Variants in KAZN observed in about 807,000 individuals in gnomAD.
The protein encoded by KAZN is kazrin.
In KAZN, 40 loss-of-function variants were observed where a neutral mutation model predicts 87.4. The ratio of observed to expected loss-of-function variants is 0.46; its 90% confidence interval spans 0.36 to 0.60. The LOEUF (loss-of-function observed/expected upper bound fraction) is 0.60, where lower values mean the gene tolerates loss of function less well. KAZN is among the 20% of genes least tolerant of loss of function. KAZN has a pLI of 0.00. For synonymous variants in KAZN, 466 were observed against 458.3 expected (o/e 1.02, Z -0.22); for missense variants, 898 against 1,073.9 (o/e 0.84, Z 2.29).
rs888819270 is a variant in KAZN at position 14,715,092 on chromosome 1, G to A, written c.226+115869G>A. On this transcript the variant is annotated intron_variant, in intron 1 of 14. Transcript: ENST00000376030. ...ACCACAGGCACTTGCCACCATACCC[G>A]GCTAACTTGTTTATTTTTTGTAAGA... Among the ~76,000 whole-genome samples, 12 of 151,818 alleles carry A rather than the reference G, an allele frequency of 7.9e-5. No individual in the cohort carries two copies. In the East Asian group the frequency reaches 1.2e-3, roughly 15 times the overall value.
intron 8 of KAZN, among the ~76,000 whole-genome samples, chr1:15,079,876 A>G (rs1639916803): frequency 6.6e-6 from 1 of 152,266 alleles, no homozygotes; most frequent in Admixed American, 6.5e-5. Context: ...GTTAGCAAGG[A>G]AGAAAGAGGA....
chr1:14,183,813 G>C (rs764640713), intron 2 of KAZN, among the ~76,000 whole-genome samples: 1 of 152,148 alleles, frequency 6.6e-6, no homozygotes, highest in African/African-American at 2.4e-5. Context: ...AAGGCCGAGT[G>C]CTAAAGGGTA....
intron 2 of KAZN, among the ~76,000 whole-genome samples, chr1:14,402,934 T>C (rs1005753084): frequency 6.6e-6 from 1 of 152,118 alleles, no homozygotes; most frequent in African/African-American, 2.4e-5. Flanking sequence ...TTCAAGTGAT[T>C]CTCATGCCTC....
At chr1:15,104,460 A>G (rs1034848063) in intron 13 of KAZN, among the ~76,000 whole-genome samples, 18 of 152,234 alleles carry the variant, frequency 1.2e-4, no homozygotes, top group African/African-American at 4.1e-4. Context: ...CCAGGTGTTT[A>G]GAGAAGAGAT....
chr1:14,075,077 GA>G (rs2101570607), intron 1 of KAZN, among the ~76,000 whole-genome samples: 1 of 152,278 alleles, frequency 6.6e-6, no homozygotes, highest in South Asian at 2.1e-4. Flanking sequence ...AAGATGGGGT[GA>G]GGGGGCTGCC....
At chr1:14,650,134 A>G (rs1201809058) in intron 1 of KAZN, among the ~76,000 whole-genome samples, 1 of 149,888 alleles carries the variant, frequency 6.7e-6, no homozygotes, top group Non-Finnish European at 1.5e-5. Context: ...GACAGAAGTT[A>G]CTGTATTTAT....
intron 2 of KAZN, among the ~76,000 whole-genome samples, chr1:14,499,835 T>G (rs1461278288): frequency 6.6e-6 from 1 of 152,154 alleles, no homozygotes; most frequent in East Asian, 1.9e-4. Flanking sequence ...AAACCCTCAC[T>G]GAGCTTAGCG....
exon 2 of KAZN, chr1:14,180,449 C>T (rs769703758): frequency 6.5e-7 from 1 of 1,550,104 alleles, no homozygotes; most frequent in South Asian, 1.2e-5. Context: ...GCAATCATTG[C>T]ACACCCTCAA....
At chr1:14,204,126 G>T (rs1646693393) in intron 2 of KAZN, among the ~76,000 whole-genome samples, 1 of 152,246 alleles carries the variant, frequency 6.6e-6, no homozygotes, top group Admixed American at 6.5e-5. Flanking sequence ...GTGCAGTTAA[G>T]ACTGGTTGAC....
chr1:14,612,713 T>C (rs1572047437), intron 1 of KAZN, among the ~76,000 whole-genome samples: 1 of 152,218 alleles, frequency 6.6e-6, no homozygotes. Flanking sequence ...CTGTGCATTT[T>C]AGGACATTTA....
intron 1 of KAZN, among the ~76,000 whole-genome samples, chr1:14,625,076 C>T (rs900562769): frequency 2.0e-5 from 3 of 152,134 alleles, no homozygotes; most frequent in African/African-American, 4.8e-5. Flanking sequence ...ACTATGTGAG[C>T]TCATCCTGTG....
At chr1:14,127,326 A>G (rs1008652826) in intron 1 of KAZN, among the ~76,000 whole-genome samples, 2 of 152,128 alleles carry the variant, frequency 1.3e-5, no homozygotes, top group Non-Finnish European at 2.9e-5. Flanking sequence ...AAACAATTTT[A>G]GAGGTAATGT....
chr1:14,984,503 G>A (rs940505973), intron 2 of KAZN, among the ~76,000 whole-genome samples: 5 of 152,190 alleles, frequency 3.3e-5, no homozygotes, highest in African/African-American at 1.2e-4. Context: ...TTGGAGTTGG[G>A]GCCATCATTA....
At chr1:14,474,644 A>C (rs1668623080) in intron 2 of KAZN, among the ~76,000 whole-genome samples, 1 of 152,212 alleles carries the variant, frequency 6.6e-6, no homozygotes, top group Non-Finnish European at 1.5e-5. Context: ...ATACAATGAC[A>C]ATATATTTAA....
chr1:15,005,866 G>C (rs1312839627), intron 2 of KAZN, among the ~76,000 whole-genome samples: 4 of 152,172 alleles, frequency 2.6e-5, no homozygotes, highest in African/African-American at 4.8e-5. Context: ...ACTGCCTCCT[G>C]TATTGTTTCC....
chr1:14,062,704 CAAT>C (rs1642845576), intron 1 of KAZN, among the ~76,000 whole-genome samples: 1 of 152,008 alleles, frequency 6.6e-6, no homozygotes, highest in South Asian at 2.1e-4. Flanking sequence ...GAAGGAGAAT[CAAT>C]AATCAAATGA....
At chr1:14,108,219 A>G (rs1644422281) in intron 1 of KAZN, among the ~76,000 whole-genome samples, 1 of 151,878 alleles carries the variant, frequency 6.6e-6, no homozygotes, top group Admixed American at 6.6e-5. Context: ...TTTGCTTGAA[A>G]GTCATATTTT....
intron 1 of KAZN, among the ~76,000 whole-genome samples, chr1:14,801,063 G>A (rs928657734): frequency 6.3e-5 from 9 of 143,854 alleles, no homozygotes; most frequent in African/African-American, 2.1e-4. Context: ...AAAAAAAAAA[G>A]AAATACGTGG....
chr1:14,132,385 G>A (rs1645010379), intron 1 of KAZN, among the ~76,000 whole-genome samples: 1 of 152,276 alleles, frequency 6.6e-6, no homozygotes, highest in East Asian at 1.9e-4. Context: ...GGAACTGGGT[G>A]CCCTGGCTCA....
Sources: gnomAD v4.1 joint callset for allele counts (sites outside exome capture counted in the v4.1 genomes callset) on GRCh38, gnomAD v4.1.1 for gene constraint, MANE v1.5 for transcripts, NCBI Gene and HGNC (gene_info 2026-07-23, HGNC 2026-07-21) for gene names.